The following LRMDA variants were observed in gnomAD, a reference collection of about 807,000 sequenced individuals.
LRMDA encodes leucine-rich melanocyte differentiation-associated protein.
A neutral mutation model predicts 29.8 loss-of-function variants in LRMDA; 18 were observed. The observed-to-expected ratio is 0.60, with a 90% confidence interval of 0.42 to 0.90. The LOEUF (loss-of-function observed/expected upper bound fraction) is 0.90, where lower values mean the gene tolerates loss of function less well. LRMDA is among the 40% of genes least tolerant of loss of function. The pLI is 0.00. For missense variants in LRMDA, 273 were observed against 273.9 expected, an observed-to-expected ratio of 1.00 and a Z score of 0.02; for synonymous variants, 125 against 109.4, an observed-to-expected ratio of 1.14 and a Z score of -0.89.
chr10:76,538,181 TGA>T (rs1843310827), intron 6 of LRMDA, among the ~76,000 whole-genome samples: 1 of 152,048 alleles, frequency 6.6e-6, no homozygotes, highest in Non-Finnish European at 1.5e-5. Context: ...TTTTATATTT[TGA>T]GTGTGTAAAC....
intron 5 of LRMDA, among the ~76,000 whole-genome samples, chr10:76,093,731 C>T (rs1292264014): frequency 6.6e-6 from 1 of 152,166 alleles, no homozygotes; most frequent in Non-Finnish European, 1.5e-5. Flanking sequence ...TCACCAGGGT[C>T]ACTGACAAGT....
chr10:76,267,565 T>C (rs1840022057), intron 5 of LRMDA, among the ~76,000 whole-genome samples: 1 of 152,214 alleles, frequency 6.6e-6, no homozygotes, highest in African/African-American at 2.4e-5. Flanking sequence ...AGTGGAATCA[T>C]GCAATATCTG....
At chr10:76,427,843 C>T (rs1842145804) in intron 6 of LRMDA, among the ~76,000 whole-genome samples, 1 of 152,168 alleles carries the variant, frequency 6.6e-6, no homozygotes, top group Non-Finnish European at 1.5e-5. Context: ...AAGGCCTTTT[C>T]TGCATCTATT....
intron 6 of LRMDA, among the ~76,000 whole-genome samples, chr10:76,395,492 G>T (rs1841773131): frequency 6.6e-6 from 1 of 152,180 alleles, no homozygotes; most frequent in South Asian, 2.1e-4. Flanking sequence ...TCACTTGTAT[G>T]CCACAAACAT....
Position 75,824,127 on chromosome 10 carries a change from C to T in LRMDA, c.132-211881C>T, listed in dbSNP as rs1276973358. ...ATGTAACACAACTGCATTTGTGTCC[C>T]CAAATCTATAAAGAAGTTAATTTCA... On this transcript the variant is annotated intron_variant, in intron 2 of 6. Coordinates refer to ENST00000611255, the MANE Select transcript of LRMDA (RefSeq NM_001305581.2). Among the ~76,000 whole-genome samples the T allele has an allele frequency of 7.2e-5, 11 of 151,962 alleles. 1 individual carries two copies. The South Asian group carries it at 1.9e-3, about 26-fold the overall frequency.
intron 6 of LRMDA, among the ~76,000 whole-genome samples, chr10:76,471,232 A>C (rs1037123049): frequency 1.3e-5 from 2 of 151,790 alleles, no homozygotes; most frequent in African/African-American, 4.8e-5. Flanking sequence ...ACATAAAATT[A>C]TATAAATAAT....
At chr10:75,616,481 G>C (rs1009172510) in intron 2 of LRMDA, among the ~76,000 whole-genome samples, 1 of 152,098 alleles carries the variant, frequency 6.6e-6, no homozygotes, top group East Asian at 1.9e-4. Context: ...TAGAGATATG[G>C]CAAAAATTGT....
At chr10:75,653,916 A>T (rs1361437120) in intron 2 of LRMDA, among the ~76,000 whole-genome samples, 1 of 152,060 alleles carries the variant, frequency 6.6e-6, no homozygotes, top group East Asian at 1.9e-4. Context: ...CGTCTCTCTG[A>T]CTCAGCCTTC....
intron 2 of LRMDA, among the ~76,000 whole-genome samples, chr10:75,617,490 G>A: frequency 6.6e-6 from 1 of 152,166 alleles, no homozygotes; most frequent in East Asian, 1.9e-4. Context: ...TGTATTCTCA[G>A]TGCACTGCTT....
At chr10:76,220,123 T>G (rs1464547025) in intron 5 of LRMDA, among the ~76,000 whole-genome samples, 1 of 152,122 alleles carries the variant, frequency 6.6e-6, no homozygotes, top group Non-Finnish European at 1.5e-5. Context: ...AAGCAGTGTG[T>G]ACAGGGAAAT....
chr10:75,972,492 C>CA (rs1302416284), intron 2 of LRMDA, among the ~76,000 whole-genome samples: 7 of 151,988 alleles, frequency 4.6e-5, no homozygotes, highest in Non-Finnish European at 8.8e-5. Flanking sequence ...AAAAACAATA[C>CA]AAAAAACCTC....
At chr10:75,557,374 C>T (rs890068492) in intron 2 of LRMDA, among the ~76,000 whole-genome samples, 47 of 151,304 alleles carry the variant, frequency 3.1e-4, no homozygotes, top group African/African-American at 1.0e-3. Flanking sequence ...AATAATTACA[C>T]TAAATATTAA....
chr10:75,876,520 C>G (rs1845201249), intron 2 of LRMDA, among the ~76,000 whole-genome samples: 1 of 152,082 alleles, frequency 6.6e-6, no homozygotes, highest in South Asian at 2.1e-4. Context: ...AACACAAAAC[C>G]CCGACAAACA....
intron 2 of LRMDA, among the ~76,000 whole-genome samples, chr10:75,801,833 C>G (rs1843747796): frequency 6.6e-6 from 1 of 152,170 alleles, no homozygotes; most frequent in Non-Finnish European, 1.5e-5. Flanking sequence ...AGAGAAGAAG[C>G]AGGTAGACCA....
At chr10:75,490,777 G>T (rs1183998895) in intron 2 of LRMDA, among the ~76,000 whole-genome samples, 2 of 152,158 alleles carry the variant, frequency 1.3e-5, no homozygotes, top group Non-Finnish European at 2.9e-5. Context: ...AAACCAAGAA[G>T]AAATTGTGTT....
intron 5 of LRMDA, among the ~76,000 whole-genome samples, chr10:76,139,432 C>G (rs923208141): frequency 6.6e-6 from 1 of 152,020 alleles, no homozygotes; most frequent in Non-Finnish European, 1.5e-5. Flanking sequence ...CCTCTACACA[C>G]GCACAGACGC....
intron 2 of LRMDA, among the ~76,000 whole-genome samples, chr10:75,709,524 T>G (rs1297564559): frequency 6.6e-6 from 1 of 152,050 alleles, no homozygotes; most frequent in Non-Finnish European, 1.5e-5. Flanking sequence ...GCATTTCATA[T>G]CTCTTGGTGG....
At chr10:75,692,208 GAAAAAA>G (rs528945539) in intron 2 of LRMDA, among the ~76,000 whole-genome samples, 14 of 61,106 alleles carry the variant, frequency 2.3e-4, no homozygotes, top group Non-Finnish European at 4.0e-4. Flanking sequence ...TCTCTGGGGG[GAAAAAA>G]AAAAAATATA....
chr10:75,935,439 A>G (rs541826684), intron 2 of LRMDA, among the ~76,000 whole-genome samples: 1 of 152,330 alleles, frequency 6.6e-6, no homozygotes, highest in South Asian at 2.1e-4. Context: ...AGCTTCATTT[A>G]GAAGGGAAAG....
Sources: gnomAD v4.1 joint callset for allele counts (sites outside exome capture counted in the v4.1 genomes callset) on GRCh38, gnomAD v4.1.1 for gene constraint, MANE v1.5 for transcripts, NCBI Gene and HGNC (gene_info 2026-07-23, HGNC 2026-07-21) for gene names.